MIPOL1: variants seen among roughly 807,000 people sequenced by gnomAD.
MIPOL1 encodes the protein mirror-image polydactyly 1.
Under a neutral mutation model 60.9 loss-of-function variants are expected in MIPOL1, and 57 were observed. The ratio of observed to expected loss-of-function variants is 0.94; its 90% CI spans 0.76 to 1.17. The LOEUF (loss-of-function observed/expected upper bound fraction) is 1.17, where lower values mean the gene tolerates loss of function less well. MIPOL1 is among the 50% of genes most tolerant of loss of function. The pLI is 0.00. For synonymous variants in MIPOL1, 179 were observed against 168.8 expected, an observed-to-expected ratio of 1.06 and a Z score of -0.47; for missense variants, 551 against 511.6, an observed-to-expected ratio of 1.08 and a Z score of -0.74.
intron 11 of MIPOL1, among the ~76,000 whole-genome samples, chr14:37,481,715 G>A (rs2094874008): frequency 6.6e-6 from 1 of 151,902 alleles, no homozygotes; most frequent in Non-Finnish European, 1.5e-5. Context: ...AATTAAAACA[G>A]CATGATACTG....
chr14:37,546,948 G>A lies in MIPOL1; in HGVS notation c.1306G>A (p.Gly436Arg), dbSNP rs143528004. 8.7e-6 allele frequency: 14 copies of A among 1,613,634 alleles called. No homozygotes were observed. Among genetic ancestry groups the A allele is most frequent in the African/African-American group, 2.7e-5 (2 of 74,990 alleles). ...TGTACTGAGGAAGAAGGTTGGAACCGGGACCATGAGGACAGTGATCTGATT... is the reference window on the plus strand; with the variant it reads ...TGTACTGAGGAAGAAGGTTGGAACCAGGACCATGAGGACAGTGATCTGATT... ...VDVLRKKVGT[G>R]TMRTVI The change falls in exon 13 of 13, where the codon GGG (glycine) becomes AGG (arginine). Residue 436 changes from glycine to arginine, a missense_variant. By Grantham distance (125) the Gly-to-Arg change is moderately radical (BLOSUM62 -2). Coordinates refer to ENST00000684589, the MANE Select transcript of MIPOL1 (RefSeq NM_001388067.1).
chr14:37,329,540 A>T (rs1236723038), intron 9 of MIPOL1, among the ~76,000 whole-genome samples: 1 of 152,116 alleles, frequency 6.6e-6, no homozygotes, highest in African/African-American at 2.4e-5. Flanking sequence ...TTCTGTTAGG[A>T]TTTAACAATG....
intron 11 of MIPOL1, among the ~76,000 whole-genome samples, chr14:37,449,201 C>A (rs1465832661): frequency 6.6e-6 from 1 of 151,942 alleles, no homozygotes; most frequent in East Asian, 1.9e-4. Flanking sequence ...TTTCCATTTT[C>A]TTTTAACCTT....
In MIPOL1 at chr14:37,547,324, C is replaced by T; in HGVS notation, c.*353C>T. The T allele has an allele frequency of 5.2e-6, 1 of 193,436 alleles. No individual in the cohort carries two copies. Among genetic ancestry groups the T allele is most frequent in the Non-Finnish European group, 1.1e-5 (1 of 94,520 alleles). 12.0% of individuals were successfully genotyped at this position (193,436 alleles called of 1,614,324 possible). ...GTTAGGATCATATCTTCACATATGG[C>T]CCTTTCTGAATCAAAGTGCGGCAAA... On this transcript the variant is annotated 3_prime_UTR_variant, in exon 13 of 13. Coordinates refer to ENST00000684589, the MANE Select transcript of MIPOL1 (RefSeq NM_001388067.1).
At chr14:37,310,060 C>T (rs115590801) in intron 9 of MIPOL1, among the ~76,000 whole-genome samples, 4,368 of 152,138 alleles carry the variant, frequency 0.029, 240 homozygotes, top group African/African-American at 0.099. Flanking sequence ...CTCCCCCACC[C>T]CAACACACAC....
intron 12 of MIPOL1, among the ~76,000 whole-genome samples, chr14:37,509,291 TGA>T (rs1566743356): frequency 6.6e-6 from 1 of 151,998 alleles, no homozygotes; most frequent in Non-Finnish European, 1.5e-5. Context: ...CTGACAATTC[TGA>T]GAGTTTTATA....
chr14:37,378,605 C>T (rs2092839676), intron 10 of MIPOL1, among the ~76,000 whole-genome samples: 1 of 138,632 alleles, frequency 7.2e-6, no homozygotes, highest in Admixed American at 7.3e-5. Flanking sequence ...ATTAAAATGT[C>T]ACAGACTTAT....
At chr14:37,323,542 C>CAA (rs750159722) in intron 9 of MIPOL1, among the ~76,000 whole-genome samples, 12 of 151,842 alleles carry the variant, frequency 7.9e-5, no homozygotes, top group Non-Finnish European at 1.6e-4. Context: ...TTGGTTTTAA[C>CAA]AATCATTGAA....
intron 6 of MIPOL1, among the ~76,000 whole-genome samples, chr14:37,272,091 TAACAAA>T (rs2083338232): frequency 2.0e-5 from 3 of 151,190 alleles, no homozygotes; most frequent in Non-Finnish European, 3.0e-5. Context: ...TTCTCATTAA[TAACAAA>T]ATATTATATT....
Position 37,344,810 on chromosome 14 carries a change from G to T in MIPOL1, c.829-24707G>T, listed in dbSNP as rs117958911. Among the ~76,000 whole-genome samples the T allele has an allele frequency of 3.9e-5, 6 of 152,162 alleles. No homozygotes were observed. The East Asian group carries it at 1.2e-3, about 30-fold the overall frequency. ...TTAGGGACGCCCAGGCAGGAAGACT[G>T]CTTGAGGCTAGTAGTTCGAGAACCA... On this transcript the variant is annotated intron_variant, in intron 9 of 12. Transcript: ENST00000684589.
intron 10 of MIPOL1, among the ~76,000 whole-genome samples, chr14:37,374,161 G>T (rs576267603): frequency 2.0e-5 from 3 of 152,170 alleles, no homozygotes; most frequent in African/African-American, 4.8e-5. Context: ...TCATATGTTT[G>T]TTGGCTGCAT....
At chr14:37,397,272 A>G (rs1041863370) in intron 10 of MIPOL1, among the ~76,000 whole-genome samples, 10 of 151,450 alleles carry the variant, frequency 6.6e-5, no homozygotes, top group African/African-American at 1.5e-4. Context: ...CAGCAAGCCT[A>G]CCCGGCTCTG....
chr14:37,362,540 A>AT (rs1160693462), intron 9 of MIPOL1, among the ~76,000 whole-genome samples: 2 of 151,860 alleles, frequency 1.3e-5, no homozygotes, highest in African/African-American at 4.8e-5. Flanking sequence ...TGCACTTAAC[A>AT]TTTTTTCCTT....
chr14:37,379,187 G>A (rs1317005115), intron 10 of MIPOL1, among the ~76,000 whole-genome samples: 1 of 151,836 alleles, frequency 6.6e-6, no homozygotes, highest in Non-Finnish European at 1.5e-5. Flanking sequence ...TTTTGAGAGG[G>A]GTGACAAAAC....
intron 1 of MIPOL1, among the ~76,000 whole-genome samples, chr14:37,238,081 C>T (rs896724131): frequency 1.3e-5 from 2 of 152,138 alleles, no homozygotes; most frequent in Non-Finnish European, 2.9e-5. Context: ...ATCCTCCTTC[C>T]TTGGTCGCCA....
chr14:37,480,322 C>T (rs2094843099), intron 11 of MIPOL1, among the ~76,000 whole-genome samples: 1 of 152,016 alleles, frequency 6.6e-6, no homozygotes, highest in African/African-American at 2.4e-5. Context: ...GCTATCAAAC[C>T]AAATTCAACA....
intron 10 of MIPOL1, among the ~76,000 whole-genome samples, chr14:37,412,052 CT>C (rs2093689545): frequency 6.6e-6 from 1 of 152,092 alleles, no homozygotes; most frequent in Admixed American, 6.6e-5. Flanking sequence ...GAAGCCTTAA[CT>C]TGTTCAGTCA....
At chr14:37,234,361 C>CTTTTCT (rs1971096515) in intron 1 of MIPOL1, among the ~76,000 whole-genome samples, 1 of 135,116 alleles carries the variant, frequency 7.4e-6, no homozygotes, top group Non-Finnish European at 1.6e-5. Context: ...CTTTTCTTTT[C>CTTTTCT]TTTTTTTTTT....
chr14:37,297,447 C>G (rs1314152209), intron 7 of MIPOL1, among the ~76,000 whole-genome samples: 1 of 152,134 alleles, frequency 6.6e-6, no homozygotes, highest in Non-Finnish European at 1.5e-5. Flanking sequence ...GTTGGAAGTT[C>G]TGGCCAGGGC....
Sources: gnomAD v4.1 joint callset for allele counts (sites outside exome capture counted in the v4.1 genomes callset) on GRCh38, gnomAD v4.1.1 for gene constraint, MANE v1.5 for transcripts, NCBI Gene and HGNC (gene_info 2026-07-23, HGNC 2026-07-21) for gene names.